The following TSPAN16 variants were observed in gnomAD, a reference collection of about 807,000 sequenced individuals.
TSPAN16 encodes tetraspanin 16.
TSPAN16 carries 23 observed loss-of-function variants against 25.2 expected under a neutral mutation model. The ratio of observed to expected loss-of-function variants is 0.91; its 90% CI spans 0.66 to 1.29. The LOEUF is 1.29. Ranked by LOEUF, TSPAN16 falls within the 50% of genes most tolerant of loss-of-function variation. The pLI, the probability that TSPAN16 is intolerant of heterozygous loss-of-function variation, is 0.00. For synonymous variants in TSPAN16, 123 were observed against 124.4 expected, an observed-to-expected ratio of 0.99 and a Z score of 0.08; for missense variants, 272 against 299.9, an observed-to-expected ratio of 0.91 and a Z score of 0.69.
chr19:11,321,725 G>A (rs775485489), intron 6 of TSPAN16, among the ~76,000 whole-genome samples: 2 of 152,154 alleles, frequency 1.3e-5, no homozygotes, highest in Non-Finnish European at 2.9e-5. Context: ...GCCACAGGAA[G>A]GACCTCAGCA....
downstream of TSPAN16, among the ~76,000 whole-genome samples, chr19:11,320,234 G>A (rs1012618104): frequency 6.7e-6 from 1 of 150,274 alleles, no homozygotes; most frequent in Non-Finnish European, 1.5e-5. Flanking sequence ...CGATTCTCCC[G>A]CCTCAGCCTC....
At chr19:11,302,660 C>CATATATATATTATATAT in intron 4 of TSPAN16, among the ~76,000 whole-genome samples, 1 of 97,840 alleles carries the variant, frequency 1.0e-5, no homozygotes, top group African/African-American at 5.3e-5. Context: ...TATACACATA[C>CATATATATATTATATAT]ATATATATAT....
chr19:11,321,349 T>C (rs2080778415), intron 6 of TSPAN16: 1 of 152,076 alleles, frequency 6.6e-6, no homozygotes, highest in Admixed American at 6.6e-5. Context: ...AAGAATCCCT[T>C]ATAAAACCAT....
chr19:11,312,076 T>C lies in TSPAN16; in HGVS notation c.604-63T>C. On this transcript the variant is annotated intron_variant, in intron 5 of 6. Coordinates refer to ENST00000590327, the MANE Select transcript of TSPAN16 (RefSeq NM_001282509.2). Reference sequence around the variant, plus strand: ...GAGTGGCCTAATGAGTTGGGGTTGATGGGGACTTGCAATCCATAAGCCCCT... The same window carrying C: ...GAGTGGCCTAATGAGTTGGGGTTGACGGGGACTTGCAATCCATAAGCCCCT... 2.3e-6 allele frequency: 3 copies of C among 1,315,694 alleles called. No individual in the cohort carries two copies. In the South Asian group the frequency reaches 3.7e-5, roughly 16 times the overall value. 81.5% of individuals were successfully genotyped at this position (1,315,694 alleles called of 1,614,324 possible).
intron 5 of TSPAN16, among the ~76,000 whole-genome samples, chr19:11,310,351 C>T (rs1267610460): frequency 2.0e-5 from 3 of 151,508 alleles, no homozygotes; most frequent in Non-Finnish European, 4.4e-5. Context: ...CCCATCTCTA[C>T]TAAAAATACA....
exon 7 of TSPAN16, chr19:11,326,987 C>T (rs2080817346): frequency 2.1e-6 from 1 of 481,916 alleles, no homozygotes; most frequent in African/African-American, 2.0e-5. Context: ...CCACCTGCCA[C>T]ATCACCAAGG....
intron 4 of TSPAN16, among the ~76,000 whole-genome samples, chr19:11,302,660 C>CATATATATATTATATATATATATAT (rs1320880788): frequency 1.0e-5 from 1 of 97,848 alleles, no homozygotes; most frequent in African/African-American, 5.3e-5. Context: ...TATACACATA[C>CATATATATATTATATATATATATAT]ATATATATAT....
At chr19:11,298,385 C>A (rs377665) in intron 2 of TSPAN16, 46 bp downstream of exon 2, 4 of 1,574,772 alleles carry the variant, frequency 2.5e-6, no homozygotes, top group Non-Finnish European at 2.6e-6. Flanking sequence ...TCCCCACACA[C>A]ACAAATCTTT....
At chr19:11,301,405 C>T (rs1285532973) in intron 4 of TSPAN16, 97 bp downstream of exon 4, 9 of 842,476 alleles carry the variant, frequency 1.1e-5, no homozygotes, top group African/African-American at 1.7e-5. Flanking sequence ...TTTGGGAGGC[C>T]GAGGTGGGAG....
intron 4 of TSPAN16, among the ~76,000 whole-genome samples, chr19:11,305,933 A>G (rs952310696): frequency 1.1e-4 from 17 of 152,104 alleles, no homozygotes; most frequent in Non-Finnish European, 8.8e-5. Flanking sequence ...CAAGAAACCA[A>G]TAACTAAACA....
chr19:11,302,639 A>ATG (rs1491447102), intron 4 of TSPAN16, among the ~76,000 whole-genome samples: 48 of 137,302 alleles, frequency 3.5e-4, no homozygotes, highest in African/African-American at 1.4e-3. Context: ...ATATACACAC[A>ATG]TACATATATA....
Position 11,296,203 on chromosome 19 carries a change from C to T in TSPAN16, c.-95C>T. 7.5e-7 allele frequency: 1 copy of T among 1,339,656 alleles called. No homozygotes were observed. The highest frequency in any genetic ancestry group is 1.1e-6 in the Non-Finnish European group (1 of 947,990). The allele number at this position is 1,339,656 out of a possible 1,614,324, so 83.0% of individuals were successfully genotyped here. On this transcript the variant is annotated 5_prime_UTR_variant, in exon 1 of 7. Transcript: ENST00000590327. ...GGGGCAGAGCAAGTCAGCATTGGCG[C>T]CCCTTCCTCAGATCCCTATCATCTT...
Position 11,315,834 on chromosome 19 carries a change from G to A in TSPAN16, c.731G>A (p.Gly244Asp). Residue 244 changes from glycine (G) to aspartate (D), a missense_variant, in exon 7 of 7, where the codon GGC (glycine) becomes GAC (aspartate). Transcript: ENST00000590327. ...LATLLLFIKLG is the reference protein window; with the variant it reads ...LATLLLFIKLD ...ACTTTGCTGCTGTTTATCAAGCTGGGCTGACACCCAGGCCTGGAGAAGATG... is the reference window on the plus strand; with the variant it reads ...ACTTTGCTGCTGTTTATCAAGCTGGACTGACACCCAGGCCTGGAGAAGATG... The A allele has an allele frequency of 8.1e-7, 1 of 1,231,932 alleles. No homozygotes were observed. Among genetic ancestry groups the A allele is most frequent in the Non-Finnish European group, 1.0e-6 (1 of 987,856 alleles). 76.3% of individuals were successfully genotyped at this position (1,231,932 alleles called of 1,614,324 possible). A position where few individuals can be genotyped will look rare whatever the true frequency, so the allele number is the denominator to read the frequency against.
chr19:11,304,467 C>T (rs919727951), intron 4 of TSPAN16, among the ~76,000 whole-genome samples: 7 of 151,180 alleles, frequency 4.6e-5, no homozygotes, highest in East Asian at 3.9e-4. Context: ...CTCAGCCTCC[C>T]GAGTAGCTGG....
chr19:11,316,083 C>CT, downstream of TSPAN16: 7 of 321,402 alleles, frequency 2.2e-5, no homozygotes, highest in African/African-American at 1.0e-4. Flanking sequence ...GTAAATTATT[C>CT]TTGGTGTGTG....
chr19:11,311,615 G>T (rs1442140644), intron 5 of TSPAN16, among the ~76,000 whole-genome samples: 1 of 152,018 alleles, frequency 6.6e-6, no homozygotes, highest in Non-Finnish European at 1.5e-5. Context: ...TAGAGAGGGA[G>T]TCTCACTATG....
intron 4 of TSPAN16, among the ~76,000 whole-genome samples, chr19:11,302,937 A>T (rs1230972307): frequency 2.2e-5 from 3 of 137,370 alleles, no homozygotes; most frequent in African/African-American, 8.7e-5. Flanking sequence ...GCTCAGGCTG[A>T]TCTTAAAAAC....
At chr19:11,310,725 T>C (rs1464629701) in intron 5 of TSPAN16, among the ~76,000 whole-genome samples, 1 of 152,192 alleles carries the variant, frequency 6.6e-6, no homozygotes, top group Non-Finnish European at 1.5e-5. Flanking sequence ...ACTGAATACG[T>C]CAGCTCTTCT....
chr19:11,314,118 TA>T (rs1436613654), intron 6 of TSPAN16, among the ~76,000 whole-genome samples: 2 of 152,194 alleles, frequency 1.3e-5, no homozygotes, highest in African/African-American at 4.8e-5. Flanking sequence ...GATTCCATTA[TA>T]TAAAATGTTC....
Sources: allele counts gnomAD v4.1 joint callset (sites outside exome capture counted in the v4.1 genomes callset), GRCh38; gene constraint gnomAD v4.1.1; transcripts MANE v1.5; gene names NCBI Gene and HGNC (gene_info 2026-07-23, HGNC 2026-07-21).